The following PTPRD variants were observed in gnomAD, a reference collection of about 807,000 sequenced individuals.
The protein encoded by PTPRD is protein tyrosine phosphatase receptor type D, also known as receptor-type tyrosine-protein phosphatase delta.
PTPRD carries 34 observed loss-of-function variants against 214.5 expected under a neutral mutation model. The observed-to-expected ratio is 0.16, with a 90% CI of 0.12 to 0.21. PTPRD has a LOEUF of 0.21. Among genes scored for constraint, PTPRD ranks in the 10% least tolerant of loss-of-function variants. The pLI is 1.00. For synonymous variants in PTPRD, 1,128 were observed against 845.7 expected, an observed-to-expected ratio of 1.33 and a Z score of -5.79; for missense variants, 2,545 against 2,398.7, an observed-to-expected ratio of 1.06 and a Z score of -1.27.
intron 11 of PTPRD, among the ~76,000 whole-genome samples, chr9:8,858,723 G>A (rs146764387): frequency 6.6e-6 from 1 of 151,544 alleles, no homozygotes; most frequent in Non-Finnish European, 1.5e-5. Flanking sequence ...CCTGAATCTG[G>A]ACCACTGACC....
intron 9 of PTPRD, among the ~76,000 whole-genome samples, chr9:9,324,010 G>C (rs961016644): frequency 2.6e-5 from 4 of 152,130 alleles, no homozygotes; most frequent in African/African-American, 7.2e-5. Context: ...CCCTACAAAG[G>C]ACATGAGCTC....
At chr9:9,524,436 C>G (rs1001447018) in intron 8 of PTPRD, among the ~76,000 whole-genome samples, 42 of 152,242 alleles carry the variant, frequency 2.8e-4, no homozygotes, top group Middle Eastern at 3.4e-3. Context: ...AGATTTATTG[C>G]TTAATACTAA....
intron 5 of PTPRD, among the ~76,000 whole-genome samples, chr9:9,779,512 AAACCAAAT>A (rs1470975902): frequency 6.6e-6 from 1 of 152,210 alleles, no homozygotes; most frequent in Non-Finnish European, 1.5e-5. Context: ...CAACAAGCAA[AAACCAAAT>A]AACTTTATTT....
intron 11 of PTPRD, among the ~76,000 whole-genome samples, chr9:8,940,006 G>C (rs1475257233): frequency 6.6e-6 from 1 of 151,170 alleles, no homozygotes; most frequent in Non-Finnish European, 1.5e-5. Context: ...AATTAGAATA[G>C]GTTCAAATAT....
intron 2 of PTPRD, among the ~76,000 whole-genome samples, chr9:10,409,207 T>C (rs1364077177): frequency 1.3e-5 from 2 of 151,836 alleles, no homozygotes; most frequent in African/African-American, 2.4e-5. Flanking sequence ...GTTATGCATA[T>C]AGAGTATGAC....
intron 8 of PTPRD, among the ~76,000 whole-genome samples, chr9:9,512,815 T>G (rs983972263): frequency 2.0e-5 from 3 of 151,478 alleles, no homozygotes; most frequent in Admixed American, 6.6e-5. Context: ...GTTTCTGGGC[T>G]GCTATGCTGT....
At chr9:9,277,209 C>T (rs1009978650) in intron 9 of PTPRD, among the ~76,000 whole-genome samples, 2 of 151,306 alleles carry the variant, frequency 1.3e-5, no homozygotes, top group African/African-American at 4.8e-5. Flanking sequence ...TTTAATTGAA[C>T]AAATATTCAA....
chr9:9,711,303 G>A (rs1429530504), intron 7 of PTPRD, among the ~76,000 whole-genome samples: 1 of 152,006 alleles, frequency 6.6e-6, no homozygotes, highest in Non-Finnish European at 1.5e-5. Flanking sequence ...TGGTAAAATT[G>A]GTTTCCTAAT....
chr9:8,994,665 G>C (rs954456846), intron 11 of PTPRD, among the ~76,000 whole-genome samples: 2 of 151,950 alleles, frequency 1.3e-5, no homozygotes, highest in East Asian at 1.9e-4. Flanking sequence ...GGTTGGAGGG[G>C]GGGTGTTGTT....
chr9:8,509,377 A>G (rs1237670143), intron 21 of PTPRD, among the ~76,000 whole-genome samples: 2 of 152,198 alleles, frequency 1.3e-5, no homozygotes, highest in Non-Finnish European at 2.9e-5. Context: ...TTCTCAGGCT[A>G]AAAATGCACA....
intron 9 of PTPRD, among the ~76,000 whole-genome samples, chr9:9,273,922 A>G (rs1055730029): frequency 5.3e-5 from 8 of 151,352 alleles, no homozygotes; most frequent in Non-Finnish European, 1.2e-4. Context: ...AGGAAATTTC[A>G]TAGACTTCAA....
intron 12 of PTPRD, chr9:8,713,658 G>C: frequency 6.6e-7 from 1 of 1,516,508 alleles, no homozygotes; most frequent in Admixed American, 1.7e-5. Context: ...TGGGCGCCCG[G>C]CACCGCGCCC....
At chr9:10,154,960 T>C (rs1448599744) in intron 3 of PTPRD, among the ~76,000 whole-genome samples, 1 of 152,068 alleles carries the variant, frequency 6.6e-6, no homozygotes, top group East Asian at 1.9e-4. Flanking sequence ...GAATTTACTT[T>C]TTGTTTTTCT....
intron 8 of PTPRD, among the ~76,000 whole-genome samples, chr9:9,471,318 T>G (rs1420691517): frequency 6.6e-6 from 1 of 152,186 alleles, no homozygotes; most frequent in East Asian, 1.9e-4. Context: ...TTCTTCTAGC[T>G]GAACTTATTA....
intron 8 of PTPRD, among the ~76,000 whole-genome samples, chr9:9,474,788 T>G (rs2094901789): frequency 1.3e-5 from 2 of 152,132 alleles, no homozygotes; most frequent in Admixed American, 6.5e-5. Flanking sequence ...ATTTTGTATC[T>G]TGCAACTTTA....
chr9:9,323,471 G>C (rs957061066), intron 9 of PTPRD, among the ~76,000 whole-genome samples: 2 of 152,020 alleles, frequency 1.3e-5, no homozygotes, highest in Non-Finnish European at 2.9e-5. Context: ...ATCTGATGTC[G>C]ACCAGGTCGT....
chr9:8,335,105 T>G (rs538294739), intron 43 of PTPRD, among the ~76,000 whole-genome samples: 40 of 147,092 alleles, frequency 2.7e-4, no homozygotes, highest in Non-Finnish European at 4.3e-4. Context: ...CTGAAACTAT[T>G]CCAAACAATA....
At chr9:9,312,847 G>C (rs1959755272) in intron 9 of PTPRD, among the ~76,000 whole-genome samples, 1 of 152,138 alleles carries the variant, frequency 6.6e-6, no homozygotes, top group South Asian at 2.1e-4. Flanking sequence ...CACTCAGCAA[G>C]CCTGCCATAC....
chr9:9,169,134 C>A (rs953364857), intron 10 of PTPRD, among the ~76,000 whole-genome samples: 2 of 151,954 alleles, frequency 1.3e-5, no homozygotes, highest in African/African-American at 4.8e-5. Context: ...ATCTAATACA[C>A]TGTTTGCTTA....
Sources: gnomAD v4.1 joint callset for allele counts (sites outside exome capture counted in the v4.1 genomes callset) on GRCh38, gnomAD v4.1.1 for gene constraint, MANE v1.5 for transcripts, NCBI Gene and HGNC (gene_info 2026-07-23, HGNC 2026-07-21) for gene names.